The following CAPRIN2 variants were observed in gnomAD, a reference collection of about 807,000 sequenced individuals.
The protein encoded by CAPRIN2 is caprin-2.
CAPRIN2 carries 66 observed loss-of-function variants against 130.4 expected under a neutral mutation model. That is an observed-to-expected ratio of 0.51 (90% CI 0.42 to 0.62). The LOEUF (loss-of-function observed/expected upper bound fraction) is 0.62. CAPRIN2 is among the 20% of genes least tolerant of loss of function. The pLI is 0.00. For missense variants in CAPRIN2, 1,185 were observed against 1,246.6 expected (o/e 0.95, Z 0.74); for synonymous variants, 471 against 444.1 (o/e 1.06, Z -0.76).
Position 30,721,226 on chromosome 12 carries a change from C to T in CAPRIN2, c.2044-311G>A, listed in dbSNP as rs979458853. 3.3e-5 allele frequency among the ~76,000 whole-genome samples: 5 copies of T among 152,172 alleles called. No individual in the cohort carries two copies. The South Asian group carries it at 8.3e-4, about 25-fold the overall frequency. On this transcript the variant is annotated intron_variant, in intron 11 of 16. Coordinates refer to ENST00000298892, the Ensembl canonical transcript of CAPRIN2. The stretch of plus-strand genomic sequence containing the variant: ...CAGCTAGCTACACTGCCTGTCCAGG[C>T]CTGGTCACCAAAACTACACATCTCA...
At chr12:30,733,559 A>G (rs2063448661) in intron 5 of CAPRIN2, 70 bp downstream of exon 6, 1 of 1,004,064 alleles carries the variant, frequency 1.0e-6, no homozygotes, top group Non-Finnish European at 1.6e-6. Flanking sequence ...TTAGACCCTC[A>G]ATATCATACT....
chr12:30,715,294 A>T (rs75263377), intron 13 of CAPRIN2, 153 bp from the exon 16 acceptor site: 23,784 of 659,818 alleles, frequency 0.036, 651 homozygotes, highest in African/African-American at 0.1. Flanking sequence ...CATCTACATG[A>T]CTCAAATACG....
At chr12:30,731,223 A>C in intron 6 of CAPRIN2, 120 bp downstream of exon 7, 1 of 652,982 alleles carries the variant, frequency 1.5e-6, no homozygotes, top group South Asian at 2.5e-5. Context: ...TGGTAAGTAA[A>C]GATTTCCATG....
chr12:30,713,022 G>C (rs959113916), intron 15 of CAPRIN2, among the ~76,000 whole-genome samples: 2 of 152,116 alleles, frequency 1.3e-5, no homozygotes, highest in African/African-American at 4.8e-5. Flanking sequence ...GATTACAGGC[G>C]TGAGTCACCA....
chr12:30,738,676 T>A (rs1397499884), intron 3 of CAPRIN2, among the ~76,000 whole-genome samples: 2 of 152,076 alleles, frequency 1.3e-5, no homozygotes, highest in Non-Finnish European at 2.9e-5. Flanking sequence ...AGATCTAATA[T>A]CCAGTATCTA....
chr12:30,725,716 A>C (rs1224369860), intron 9 of CAPRIN2, among the ~76,000 whole-genome samples: 2 of 152,158 alleles, frequency 1.3e-5, no homozygotes, highest in Non-Finnish European at 2.9e-5. Flanking sequence ...TGAGCAAGTT[A>C]AGCTTTTCAC....
Position 30,719,046 on chromosome 12 carries a change from G to C in CAPRIN2, c.2148+1765C>G, listed in dbSNP as rs1417871502. 2.5e-6 allele frequency: 4 copies of C among 1,596,138 alleles called. No homozygotes were observed. In the Admixed American group the frequency reaches 5.1e-5, roughly 20 times the overall value. On this transcript the variant is annotated intron_variant, in intron 12 of 16. Transcript: ENST00000298892. ...AACAATGGCTTTTAACAGGAATAAT[G>C]AACTGCAATCATCATTCATGTTTCA...
intron 12 of CAPRIN2, among the ~76,000 whole-genome samples, chr12:30,718,784 T>C (rs1011738526): frequency 6.6e-6 from 1 of 152,252 alleles, no homozygotes; most frequent in Non-Finnish European, 1.5e-5. Context: ...CTAGAAATTC[T>C]GTTTCTCACC....
chr12:30,716,941 A>T (rs2057780021), intron 12 of CAPRIN2, among the ~76,000 whole-genome samples: 1 of 152,230 alleles, frequency 6.6e-6, no homozygotes, highest in Non-Finnish European at 1.5e-5. Context: ...ACAGAAAATA[A>T]GTGTTGGCAA....
intron 3 of CAPRIN2, among the ~76,000 whole-genome samples, chr12:30,738,527 T>C: frequency 6.6e-6 from 1 of 152,064 alleles, no homozygotes; most frequent in Non-Finnish European, 1.5e-5. Flanking sequence ...ATGCCAAAAG[T>C]AATCAAAACA....
intron 2 of CAPRIN2, among the ~76,000 whole-genome samples, chr12:30,744,204 C>T (rs1205979642): frequency 6.6e-6 from 1 of 152,152 alleles, no homozygotes; most frequent in Non-Finnish European, 1.5e-5. Context: ...TCTGCCACTG[C>T]CTTAGTAGGG....
intron 15 of CAPRIN2, among the ~76,000 whole-genome samples, chr12:30,712,188 A>T (rs1195677697): frequency 2.0e-5 from 3 of 152,212 alleles, no homozygotes; most frequent in Non-Finnish European, 4.4e-5. Flanking sequence ...AAACTCAAGT[A>T]TGAAGGAAGC....
intron 2 of CAPRIN2, among the ~76,000 whole-genome samples, chr12:30,750,817 G>T (rs766650545): frequency 2.6e-5 from 4 of 152,148 alleles, no homozygotes. Flanking sequence ...ATGTTAACTC[G>T]TAGTGACAGT....
chr12:30,716,471 C>T lies in CAPRIN2; in HGVS notation c.2317+37G>A, dbSNP rs988475691. 1.9e-6 allele frequency: 3 copies of T among 1,592,772 alleles called. No individual in the cohort carries two copies. The African/African-American group carries it at 4.0e-5, about 21-fold the overall frequency. On this transcript the variant is annotated intron_variant, in intron 13 of 16. Transcript: ENST00000298892. Reference sequence around the variant, plus strand: ...TTGCTGTCCATTCAATTGGCTGTCCCTCTAAGTCTTCCAAATATCATATGC... The same window carrying T: ...TTGCTGTCCATTCAATTGGCTGTCCTTCTAAGTCTTCCAAATATCATATGC...
chr12:30,734,662 G>A (rs923793835), intron 4 of CAPRIN2, among the ~76,000 whole-genome samples: 19 of 151,998 alleles, frequency 1.3e-4, no homozygotes, highest in African/African-American at 4.3e-4. Context: ...ACTTGTACAG[G>A]ATTAAAATTT....
chr12:30,735,125 GTA>G lies in CAPRIN2; in HGVS notation c.650_651del (p.Ile217ThrfsTer35). ...TTCTGCAATACATACTGAACTTGAAGTATAGTTCGAAGCTTTTTCTTCTCAGC... is the reference window on the plus strand; with the variant it reads ...TTCTGCAATACATACTGAACTTGAAGTAGTTCGAAGCTTTTTCTTCTCAGC... On this transcript the variant is annotated frameshift_variant, in exon 4 of 17. Coordinates refer to ENST00000298892, the Ensembl canonical transcript of CAPRIN2. LOFTEE classifies it high-confidence loss of function. The G allele has an allele frequency of 1.2e-6, 2 of 1,614,152 alleles. No homozygotes were observed. Among genetic ancestry groups the G allele is most frequent in the Non-Finnish European group, 1.7e-6 (2 of 1,180,018 alleles).
chr12:30,751,841 C>T (rs2074035285), intron 1 of CAPRIN2, among the ~76,000 whole-genome samples: 1 of 149,442 alleles, frequency 6.7e-6, no homozygotes, highest in Non-Finnish European at 1.5e-5. Context: ...ATATTTGATA[C>T]TTAAGGAAAT....
At chr12:30,754,546 CA>C (rs1383150475), upstream of CAPRIN2, 1 of 152,302 alleles carries the variant, frequency 6.6e-6, no homozygotes, top group African/African-American at 2.4e-5. Flanking sequence ...CCCGGGTACG[CA>C]GAAGCCGCTT....
chr12:30,739,197 T>C (rs2066205068), intron 3 of CAPRIN2, among the ~76,000 whole-genome samples: 1 of 152,166 alleles, frequency 6.6e-6, no homozygotes, highest in African/African-American at 2.4e-5. Flanking sequence ...ACGTGGTACA[T>C]ATATATCATG....
Sources: gnomAD v4.1 joint callset for allele counts (sites outside exome capture counted in the v4.1 genomes callset) on GRCh38, gnomAD v4.1.1 for gene constraint, MANE v1.5 for transcripts, NCBI Gene and HGNC (gene_info 2026-07-23, HGNC 2026-07-21) for gene names.